ZBTB8OS: variants seen among roughly 807,000 people sequenced by gnomAD.
The protein encoded by ZBTB8OS is tRNA splicing ligase complex subunit 1.
In ZBTB8OS, 16 loss-of-function variants were observed where a neutral mutation model predicts 29.3. The ratio of observed to expected loss-of-function variants is 0.55; its 90% CI spans 0.37 to 0.83. The LOEUF (loss-of-function observed/expected upper bound fraction) is 0.83. ZBTB8OS is among the 40% of genes least tolerant of loss of function. ZBTB8OS has a pLI of 0.00. For missense variants in ZBTB8OS, 160 were observed against 196.9 expected (o/e 0.81, Z 1.12); for synonymous variants, 70 against 64.6 (o/e 1.08, Z -0.40).
rs144392882 is a variant in ZBTB8OS at position 32,647,395 on chromosome 1, C to T, written c.97+3038G>A. ...GAGGTTGCAGTGACTGGAGATCATG[C>T]CACTGTACTCCAACCTGGATGACAA... On this transcript the variant is annotated intron_variant, in intron 1 of 6. Transcript: ENST00000468695. Among the ~76,000 whole-genome samples, 279 of 150,500 alleles carry T rather than the reference C, an allele frequency of 1.9e-3. 1 individual carries two copies. The highest frequency in any genetic ancestry group is 5.5e-3 in the African/African-American group (227 of 40,956).
At chr1:32,628,214 G>A (rs1029176886) in intron 5 of ZBTB8OS, among the ~76,000 whole-genome samples, 3 of 151,754 alleles carry the variant, frequency 2.0e-5, no homozygotes, top group East Asian at 1.9e-4. Flanking sequence ...AAAATTAGCC[G>A]GGCGTGGTGG....
chr1:32,630,420 G>A (rs375307686), intron 5 of ZBTB8OS, among the ~76,000 whole-genome samples: 87 of 152,074 alleles, frequency 5.7e-4, no homozygotes, highest in African/African-American at 2.0e-3. Context: ...GGGCATGGTA[G>A]TGCGCACCTG....
At chr1:32,643,777 G>A (rs1646620738) in intron 1 of ZBTB8OS, among the ~76,000 whole-genome samples, 1 of 151,706 alleles carries the variant, frequency 6.6e-6, no homozygotes, top group Non-Finnish European at 1.5e-5. Flanking sequence ...TTACAGGCGT[G>A]AGCCACCATG....
rs34425541 is a variant in ZBTB8OS, at chr1:32,628,972, A to T, written c.381-1428T>A. On this transcript the variant is annotated intron_variant, in intron 5 of 6. Coordinates refer to ENST00000468695, the MANE Select transcript of ZBTB8OS (RefSeq NM_178547.5). Reference sequence around the variant, plus strand: ...ACAAAAAATTAATTTTAAAAACTTTAAAAAAAGGTTGATAGTTGATCTCAA... The same window carrying T: ...ACAAAAAATTAATTTTAAAAACTTTTAAAAAAGGTTGATAGTTGATCTCAA... 5.9e-3 allele frequency among the ~76,000 whole-genome samples: 891 copies of T among 152,082 alleles called. 6 individuals are homozygous for T. Among genetic ancestry groups the T allele is most frequent in the Non-Finnish European group, 8.9e-3 (605 of 68,014 alleles).
intron 4 of ZBTB8OS, among the ~76,000 whole-genome samples, chr1:32,632,826 T>C (rs1350027885): frequency 6.6e-6 from 1 of 152,182 alleles, no homozygotes; most frequent in African/African-American, 2.4e-5. Flanking sequence ...TAAAAGCTGT[T>C]GTTTAACGCT....
At chr1:32,636,550 C>T (rs1436717827) in intron 1 of ZBTB8OS, among the ~76,000 whole-genome samples, 1 of 151,904 alleles carries the variant, frequency 6.6e-6, no homozygotes, top group Non-Finnish European at 1.5e-5. Flanking sequence ...CTTAGCTGGG[C>T]GTGGTGGCGC....
intron 1 of ZBTB8OS, among the ~76,000 whole-genome samples, chr1:32,636,692 G>GAAA (rs776683665): frequency 1.5e-5 from 2 of 131,522 alleles, no homozygotes; most frequent in African/African-American, 3.2e-5. Flanking sequence ...CTCAAAAAAT[G>GAAA]GAAAAAAAAA....
chr1:32,629,974 A>G lies in ZBTB8OS; in HGVS notation c.380+1853T>C, dbSNP rs534191430. Among the ~76,000 whole-genome samples, 161 of 151,942 alleles carry G rather than the reference A, an allele frequency of 1.1e-3. 2 individuals are homozygous for G. The highest frequency in any genetic ancestry group is 2.0e-3 in the Non-Finnish European group (138 of 67,940). ...CACCATGTTGGCTAGGATGGTCTCAATCTCTTGACCTCCTGATCTGCCCGC... is the reference window on the plus strand; with the variant it reads ...CACCATGTTGGCTAGGATGGTCTCAGTCTCTTGACCTCCTGATCTGCCCGC... On this transcript the variant is annotated intron_variant, in intron 5 of 6. Transcript: ENST00000468695.
upstream of ZBTB8OS, chr1:32,650,673 T>C (rs1191215962): frequency 4.8e-6 from 7 of 1,470,814 alleles, no homozygotes; most frequent in East Asian, 4.6e-5. Flanking sequence ...TGACCTACTT[T>C]AGTCCCTACC....
intron 5 of ZBTB8OS, 171 bp from the exon 6 acceptor site, chr1:32,627,715 G>C (rs1232311144): frequency 4.9e-6 from 3 of 616,872 alleles, no homozygotes; most frequent in Non-Finnish European, 8.5e-6. Context: ...TGAGGGACGT[G>C]TGTGCAGTGT....
chr1:32,641,568 G>A (rs960325960), intron 1 of ZBTB8OS, among the ~76,000 whole-genome samples: 62 of 144,364 alleles, frequency 4.3e-4, no homozygotes, highest in Admixed American at 1.2e-3. Flanking sequence ...CACCGCGCCC[G>A]GCCAATTATT....
At chr1:32,634,481 T>A in intron 2 of ZBTB8OS, 1 of 477,192 alleles carries the variant, frequency 2.1e-6, no homozygotes, top group Non-Finnish European at 3.8e-6. Flanking sequence ...CGCCTCAGCC[T>A]CCCAAAGTGC....
chr1:32,640,001 T>C (rs1374264755), intron 1 of ZBTB8OS: 1 of 152,198 alleles, frequency 6.6e-6, no homozygotes, highest in Admixed American at 6.5e-5. Context: ...TAACCAGTTA[T>C]ACATTTCTTT....
chr1:32,634,721 C>A, intron 2 of ZBTB8OS, 47 bp downstream of exon 2: 4 of 1,612,686 alleles, frequency 2.5e-6, no homozygotes, highest in Non-Finnish European at 3.4e-6. Flanking sequence ...AACATTCAGT[C>A]TTCCTACTGA....
At chr1:32,629,882 A>T (rs979528076) in intron 5 of ZBTB8OS, among the ~76,000 whole-genome samples, 11 of 150,550 alleles carry the variant, frequency 7.3e-5, no homozygotes, top group African/African-American at 2.7e-4. Context: ...CCTCCTGAGT[A>T]GTTCAGATTA....
intron 5 of ZBTB8OS, among the ~76,000 whole-genome samples, chr1:32,631,321 C>T (rs560462158): frequency 3.0e-3 from 451 of 148,454 alleles, no homozygotes; most frequent in Non-Finnish European, 5.4e-3. Flanking sequence ...CACCACTGTA[C>T]TCCAGCCTGG....
chr1:32,646,839 C>T lies in ZBTB8OS; in HGVS notation c.97+3594G>A, dbSNP rs924887204. ...ATCACTTGAGGTCAGGAGTTCAAGA[C>T]CATCCTGGCCAGCATGGTGAAACCC... On this transcript the variant is annotated intron_variant, in intron 1 of 6. Coordinates refer to ENST00000468695, the MANE Select transcript of ZBTB8OS (RefSeq NM_178547.5). Among the ~76,000 whole-genome samples, 60 of 144,546 alleles carry T rather than the reference C, an allele frequency of 4.2e-4. 1 individual carries two copies. The highest frequency in any genetic ancestry group is 1.1e-4 in the Non-Finnish European group (7 of 66,124). 94.8% of individuals were successfully genotyped at this position (144,546 alleles called of 152,430 possible). A position where few individuals can be genotyped will look rare whatever the true frequency, so the allele number is the denominator to read the frequency against.
At chr1:32,643,499 C>G (rs1646596025) in intron 1 of ZBTB8OS, among the ~76,000 whole-genome samples, 1 of 151,420 alleles carries the variant, frequency 6.6e-6, no homozygotes, top group South Asian at 2.1e-4. Context: ...CTCAAGAGAT[C>G]CCTCCTGCCT....
At chr1:32,646,384 T>A (rs888855688) in intron 1 of ZBTB8OS, among the ~76,000 whole-genome samples, 2 of 151,918 alleles carry the variant, frequency 1.3e-5, no homozygotes, top group Non-Finnish European at 2.9e-5. Context: ...TAAAGTTTTT[T>A]ATTTTATTAT....
Sources: gnomAD v4.1 joint callset for allele counts (sites outside exome capture counted in the v4.1 genomes callset) on GRCh38, gnomAD v4.1.1 for gene constraint, MANE v1.5 for transcripts, NCBI Gene and HGNC (gene_info 2026-07-23, HGNC 2026-07-21) for gene names.